The following TAF12 variants were observed in gnomAD, a reference collection of about 807,000 sequenced individuals.
TAF12 encodes the protein transcription initiation factor TFIID subunit 12.
A neutral mutation model predicts 20.8 loss-of-function variants in TAF12; 3 were observed. That is an observed-to-expected ratio of 0.14 (90% CI 0.07 to 0.37). The LOEUF (loss-of-function observed/expected upper bound fraction) is 0.37, where lower values mean the gene tolerates loss of function less well. TAF12 is among the 10% of genes least tolerant of loss of function. The probability of loss-of-function intolerance (pLI) is 1.00; values close to 1 mark genes in which losing one functional copy is unlikely to be tolerated. For missense variants in TAF12, 131 were observed against 197.9 expected, an observed-to-expected ratio of 0.66 and a Z score of 2.03; for synonymous variants, 69 against 70.2, an observed-to-expected ratio of 0.98 and a Z score of 0.09.
chr1:28,633,396 G>A (rs1390226516), intron 1 of TAF12, among the ~76,000 whole-genome samples: 2 of 149,454 alleles, frequency 1.3e-5, no homozygotes, highest in African/African-American at 2.4e-5. Context: ...TTGAATTCCC[G>A]ACCTCAGGTG....
At chr1:28,636,552 A>T (rs924382016) in intron 1 of TAF12, among the ~76,000 whole-genome samples, 1 of 149,808 alleles carries the variant, frequency 6.7e-6, no homozygotes, top group African/African-American at 2.5e-5. Context: ...GCAGTTTGGC[A>T]GGCTGAGCGG....
At chr1:28,617,453 CT>C (rs1332175123) in intron 3 of TAF12, among the ~76,000 whole-genome samples, 339 of 141,798 alleles carry the variant, frequency 2.4e-3, no homozygotes, top group Middle Eastern at 3.6e-3. Flanking sequence ...AATTTTTTTT[CT>C]TTTTTTTTTT....
At chr1:28,636,113 T>G (rs1263624055) in intron 1 of TAF12, among the ~76,000 whole-genome samples, 1 of 152,202 alleles carries the variant, frequency 6.6e-6, no homozygotes, top group East Asian at 1.9e-4. Context: ...TTGCAGTCTG[T>G]GAGACTCGAG....
intron 1 of TAF12, among the ~76,000 whole-genome samples, chr1:28,637,417 A>C (rs1168718677): frequency 1.3e-5 from 2 of 152,102 alleles, no homozygotes; most frequent in East Asian, 1.9e-4. Flanking sequence ...CTGTAATCCT[A>C]GAACTTTGGG....
At chr1:28,633,666 C>G (rs1246454227) in intron 1 of TAF12, among the ~76,000 whole-genome samples, 1 of 151,322 alleles carries the variant, frequency 6.6e-6, no homozygotes, top group Non-Finnish European at 1.5e-5. Flanking sequence ...AATCCCAGCA[C>G]TTTGGGAGGC....
chr1:28,612,489 T>A (rs1666894531), intron 4 of TAF12, among the ~76,000 whole-genome samples: 1 of 146,312 alleles, frequency 6.8e-6, no homozygotes, highest in Admixed American at 6.9e-5. Context: ...ATACATAAAG[T>A]ATATACAAAT....
At chr1:28,612,626 C>T (rs6695883) in intron 4 of TAF12, among the ~76,000 whole-genome samples, 33,100 of 149,740 alleles carry the variant, frequency 0.22, 4,085 homozygotes, top group Middle Eastern at 0.32. Flanking sequence ...TTAATCACAT[C>T]GTATCCAATG....
In TAF12 at chr1:28,605,453, C is replaced by T. The variant is rs1171306070; in HGVS notation, c.369G>A (p.Gln123=). 6.2e-7 allele frequency: 1 copy of T among 1,613,962 alleles called. No homozygotes were observed. Among genetic ancestry groups the T allele is most frequent in the Non-Finnish European group, 8.5e-7 (1 of 1,180,024 alleles). Residue 123 remains glutamine (Q), a synonymous_variant, in exon 5 of 6, where the codon CAG becomes CAA. Transcript: ENST00000373824. ...CAAATCCTGGGATCCACATGTTCCACTGGCGCTCTGCAAGGAAGAAGCCAG... is the reference window on the plus strand; with the variant it reads ...CAAATCCTGGGATCCACATGTTCCATTGGCGCTCTGCAAGGAAGAAGCCAG... ...VKDVQLHLER[Q]WNMWIPGFGS... is the part of the protein sequence containing the mutation.
intron 1 of TAF12, among the ~76,000 whole-genome samples, chr1:28,638,630 C>A (rs1667925573): frequency 6.7e-6 from 1 of 149,916 alleles, no homozygotes. Context: ...GGATTATAAG[C>A]ACACGCCACT....
chr1:28,640,430 T>C (rs1038903266), intron 1 of TAF12, among the ~76,000 whole-genome samples: 3 of 152,026 alleles, frequency 2.0e-5, no homozygotes, highest in Non-Finnish European at 2.9e-5. Flanking sequence ...CTTAGAAGAG[T>C]AGAAAAAAGT....
chr1:28,633,152 A>T (rs1667696951), intron 1 of TAF12, among the ~76,000 whole-genome samples: 1 of 135,668 alleles, frequency 7.4e-6, no homozygotes, highest in Non-Finnish European at 1.6e-5. Context: ...ATGCACCTCC[A>T]AGCCCGGCCT....
intron 4 of TAF12, among the ~76,000 whole-genome samples, chr1:28,606,957 T>C (rs990639593): frequency 6.6e-6 from 1 of 152,182 alleles, no homozygotes; most frequent in Non-Finnish European, 1.5e-5. Context: ...CATATAGGTA[T>C]GGATATAGAG....
upstream of TAF12, among the ~76,000 whole-genome samples, chr1:28,647,587 G>A (rs1352120659): frequency 1.3e-5 from 2 of 152,120 alleles, no homozygotes; most frequent in Non-Finnish European, 2.9e-5. Flanking sequence ...AAAAAAATGG[G>A]AACAGGCCGG....
chr1:28,603,289 A>G lies in TAF12; in HGVS notation c.*250T>C, dbSNP rs1666563663. 1.1e-5 allele frequency: 6 copies of G among 523,708 alleles called. No homozygotes were observed. The South Asian group carries it at 1.4e-4, about 12-fold the overall frequency. The allele number at this position is 523,708 out of a possible 1,614,324, so 32.4% of individuals were successfully genotyped here. A position where few individuals can be genotyped will look rare whatever the true frequency, so the allele number is the denominator to read the frequency against. On this transcript the variant is annotated 3_prime_UTR_variant, in exon 6 of 6. Transcript: ENST00000373824. The stretch of plus-strand genomic sequence containing the variant: ...TCAGTCACTTATATAATAAACCACA[A>G]ATAAAATCTTCTCTGGAAGATACAT...
upstream of TAF12, chr1:28,643,275 C>T: frequency 5.1e-6 from 1 of 195,298 alleles, no homozygotes; most frequent in Non-Finnish European, 9.3e-6. Flanking sequence ...GCGAGCTCTG[C>T]GTATTCCAAC....
intron 3 of TAF12, among the ~76,000 whole-genome samples, chr1:28,616,535 C>T (rs1238127195): frequency 2.0e-5 from 3 of 151,792 alleles, no homozygotes; most frequent in Non-Finnish European, 4.4e-5. Context: ...GAGTCCGAGA[C>T]CAGCCTGGCC....
intron 1 of TAF12, among the ~76,000 whole-genome samples, chr1:28,642,318 G>T (rs1668063790): frequency 1.3e-5 from 2 of 152,134 alleles, no homozygotes; most frequent in African/African-American, 4.8e-5. Context: ...GTGAAAAAAT[G>T]GATCACTAAA....
intron 1 of TAF12, among the ~76,000 whole-genome samples, chr1:28,633,440 T>C (rs1402711263): frequency 1.3e-5 from 2 of 148,320 alleles, no homozygotes; most frequent in African/African-American, 4.9e-5. Flanking sequence ...AGTGCTGGGA[T>C]TACAGGCATG....
Position 28,613,372 on chromosome 1 carries a change from TA to T in TAF12, c.247-12del. The stretch of plus-strand genomic sequence containing the variant: ...AATCTGCAGCAGCATCTGGGGAAGG[TA>T]AAGTGGGAAGAGTCAGCACGACATT... On this transcript the variant is annotated splice_polypyrimidine_tract_variant and intron_variant, in intron 3 of 5. Coordinates refer to ENST00000373824, the MANE Select transcript of TAF12 (RefSeq NM_005644.4). The T allele has an allele frequency of 6.2e-7, 1 of 1,603,660 alleles. No homozygotes were observed. The highest frequency in any genetic ancestry group is 8.5e-7 in the Non-Finnish European group (1 of 1,175,184).
Sources: gnomAD v4.1 joint callset for allele counts (sites outside exome capture counted in the v4.1 genomes callset) on GRCh38, gnomAD v4.1.1 for gene constraint, MANE v1.5 for transcripts, NCBI Gene and HGNC (gene_info 2026-07-23, HGNC 2026-07-21) for gene names.